Variants in KCNIP1 observed in about 807,000 individuals in gnomAD.
KCNIP1 encodes potassium voltage-gated channel interacting protein 1, also known as A-type potassium channel modulatory protein KCNIP1.
In KCNIP1, 18 loss-of-function variants were observed where a neutral mutation model predicts 33.0. The ratio of observed to expected loss-of-function variants is 0.55; its 90% CI spans 0.38 to 0.81. KCNIP1 has a LOEUF of 0.81. Ranked by LOEUF, KCNIP1 falls within the 30% of genes least tolerant of loss-of-function variation. KCNIP1 has a pLI of 0.00. For synonymous variants in KCNIP1, 93 were observed against 98.3 expected, an observed-to-expected ratio of 0.95 and a Z score of 0.32; for missense variants, 238 against 271.6, an observed-to-expected ratio of 0.88 and a Z score of 0.87.
intron 1 of KCNIP1, among the ~76,000 whole-genome samples, chr5:170,634,187 G>C (rs1026228300): frequency 6.6e-6 from 1 of 152,200 alleles, no homozygotes; most frequent in Non-Finnish European, 1.5e-5. Context: ...GATGGAGAAG[G>C]CTGGTAGAGT....
rs770145353 is a variant in KCNIP1, at chr5:170,718,791, T to C, written c.95T>C (p.Val32Ala). 5.0e-6 allele frequency: 8 copies of C among 1,612,990 alleles called. No homozygotes were observed. Among genetic ancestry groups the C allele is most frequent in the South Asian group, 1.1e-5 (1 of 90,908 alleles). Residue 32 changes from valine (V) to alanine (A), a missense_variant, in exon 2 of 8, where the codon GTT becomes GCT. Physicochemically the swap from Val to Ala is moderately conservative, Grantham distance 64. Transcript: ENST00000328939. ...KIEDELEMTM[V>A]CHRPEGLEQL... ...GAAGATGAGCTGGAGATGACCATGG[T>C]TTGCCATCGGCCCGAGGGACTGGAG...
chr5:170,683,724 G>GT (rs772987083), intron 1 of KCNIP1, among the ~76,000 whole-genome samples: 3,823 of 144,548 alleles, frequency 0.026, 61 homozygotes, highest in Non-Finnish European at 0.035. Flanking sequence ...TATTTTTAAG[G>GT]TTTTTTTTTT....
intron 1 of KCNIP1, among the ~76,000 whole-genome samples, chr5:170,494,438 AGAGT>A (rs1757271208): frequency 6.6e-6 from 1 of 152,186 alleles, no homozygotes; most frequent in African/African-American, 2.4e-5. Context: ...TCTTCCATGT[AGAGT>A]GAGGGAAGAA....
At chr5:170,542,955 C>A (rs1756268412) in intron 1 of KCNIP1, among the ~76,000 whole-genome samples, 3 of 152,102 alleles carry the variant, frequency 2.0e-5, no homozygotes, top group Admixed American at 6.5e-5. Flanking sequence ...ATTGCAAAGT[C>A]CAAGGTCAGT....
At position 170,374,401 on chromosome 5, in the gene KCNIP1, T is replaced by C. The variant is rs1465363617; in HGVS notation, c.88+20437T>C. 2.0e-5 allele frequency among the ~76,000 whole-genome samples: 3 copies of C among 152,268 alleles called. No homozygotes were observed. The East Asian group carries it at 5.8e-4, about 29-fold the overall frequency. ...AAATTCCAGTCCTCTGAGATCTTCA[T>C]AAATAGAAGAAACCCTCATTTCTTT... is the stretch of plus-strand genomic sequence containing the variant. On this transcript the variant is annotated intron_variant, in intron 1 of 7. Transcript: ENST00000377360.
At chr5:170,562,970 T>A (rs917780887) in intron 1 of KCNIP1, among the ~76,000 whole-genome samples, 2 of 152,234 alleles carry the variant, frequency 1.3e-5, no homozygotes, top group Non-Finnish European at 2.9e-5. Flanking sequence ...CCTGAGCTAC[T>A]GAGTTTGTAG....
chr5:170,701,882 C>T (rs1270658404), intron 1 of KCNIP1, among the ~76,000 whole-genome samples: 1 of 152,122 alleles, frequency 6.6e-6, no homozygotes, highest in African/African-American at 2.4e-5. Flanking sequence ...GCGACAGGAG[C>T]CTTTGTTTGA....
At chr5:170,558,723 C>T (rs574124913) in intron 1 of KCNIP1, among the ~76,000 whole-genome samples, 2 of 152,312 alleles carry the variant, frequency 1.3e-5, no homozygotes, top group Admixed American at 6.5e-5. Flanking sequence ...AATGGTCCCC[C>T]GGTCTATTAT....
chr5:170,434,733 T>A (rs1561624245), intron 1 of KCNIP1, among the ~76,000 whole-genome samples: 2 of 152,126 alleles, frequency 1.3e-5, no homozygotes, highest in African/African-American at 2.4e-5. Flanking sequence ...GGCGGATGGA[T>A]CAGTTGAGGT....
intron 1 of KCNIP1, among the ~76,000 whole-genome samples, chr5:170,616,960 G>C (rs1394364522): frequency 6.6e-6 from 1 of 151,928 alleles, no homozygotes; most frequent in Admixed American, 6.6e-5. Context: ...GATTTTCCCT[G>C]TTCATCACCC....
intron 1 of KCNIP1, among the ~76,000 whole-genome samples, chr5:170,673,553 T>A (rs1336045482): frequency 1.3e-5 from 2 of 152,250 alleles, no homozygotes; most frequent in African/African-American, 4.8e-5. Flanking sequence ...TGGGACCTAG[T>A]ATCTGTTCTA....
intron 1 of KCNIP1, among the ~76,000 whole-genome samples, chr5:170,612,859 AC>A (rs894671294): frequency 3.3e-5 from 5 of 151,488 alleles, no homozygotes; most frequent in Non-Finnish European, 5.9e-5. Context: ...TGGACTCCTC[AC>A]CCCCTCCCAA....
chr5:170,574,432 C>T (rs1757525090), intron 1 of KCNIP1, among the ~76,000 whole-genome samples: 1 of 152,164 alleles, frequency 6.6e-6, no homozygotes, highest in Admixed American at 6.5e-5. Flanking sequence ...TAGCGAGTGC[C>T]AGCAGTCATA....
intron 1 of KCNIP1, among the ~76,000 whole-genome samples, chr5:170,684,844 T>C (rs1762484990): frequency 6.6e-6 from 1 of 152,236 alleles, no homozygotes; most frequent in Admixed American, 6.5e-5. Context: ...CTTCTGCAGA[T>C]ATAGTTACAC....
chr5:170,472,504 T>A (rs549839568), intron 1 of KCNIP1, among the ~76,000 whole-genome samples: 2 of 152,176 alleles, frequency 1.3e-5, no homozygotes, highest in African/African-American at 4.8e-5. Flanking sequence ...TAGTGGTGAT[T>A]TGTGAGATTT....
Position 170,362,909 on chromosome 5 carries a change from T to C in KCNIP1, c.88+8945T>C, listed in dbSNP as rs142586090. 1.4e-4 allele frequency among the ~76,000 whole-genome samples: 22 copies of C among 152,334 alleles called. 1 individual carries two copies. The East Asian group carries it at 4.3e-3, about 29-fold the overall frequency. On this transcript the variant is annotated intron_variant, in intron 1 of 7. Coordinates refer to the KCNIP1 transcript ENST00000377360. ...TTGGAGCCGGCTATCACCCGGAGCCTGGGATGTCTCTAAGCCATGAAGCAT... is the reference window on the plus strand; with the variant it reads ...TTGGAGCCGGCTATCACCCGGAGCCCGGGATGTCTCTAAGCCATGAAGCAT...
chr5:170,408,722 C>T (rs1010092655), intron 1 of KCNIP1, among the ~76,000 whole-genome samples: 3 of 152,180 alleles, frequency 2.0e-5, no homozygotes, highest in Admixed American at 6.5e-5. Flanking sequence ...TAAATACCCC[C>T]TGGCTTCTTG....
chr5:170,538,426 A>G (rs1434155633), intron 1 of KCNIP1, among the ~76,000 whole-genome samples: 1 of 151,986 alleles, frequency 6.6e-6, no homozygotes, highest in Admixed American at 6.5e-5. Flanking sequence ...AAGCCTCCCT[A>G]TGACCAGTTT....
chr5:170,619,592 A>G (rs1441736693), intron 1 of KCNIP1, among the ~76,000 whole-genome samples: 4 of 152,186 alleles, frequency 2.6e-5, no homozygotes, highest in African/African-American at 4.8e-5. Flanking sequence ...AGGTGCCCAC[A>G]GCATCCATCA....
Sources: allele counts gnomAD v4.1 joint callset (sites outside exome capture counted in the v4.1 genomes callset), GRCh38; gene constraint gnomAD v4.1.1; transcripts MANE v1.5; gene names NCBI Gene and HGNC (gene_info 2026-07-23, HGNC 2026-07-21).